The following PRORP variants were observed in gnomAD, a reference collection of about 807,000 sequenced individuals.
PRORP encodes the protein mitochondrial ribonuclease P catalytic subunit.
A neutral mutation model predicts 59.4 loss-of-function variants in PRORP; 51 were observed. The observed-to-expected ratio is 0.86, with a 90% confidence interval of 0.69 to 1.08. PRORP has a LOEUF of 1.08. Ranked by LOEUF, PRORP falls within the 50% of genes least tolerant of loss-of-function variation. PRORP has a pLI of 0.00. For missense variants in PRORP, 646 were observed against 690.3 expected (o/e 0.94, Z 0.72); for synonymous variants, 231 against 245.6 (o/e 0.94, Z 0.55).
At chr14:35,180,198 G>A (rs1333716631) in intron 4 of PRORP, among the ~76,000 whole-genome samples, 1 of 152,314 alleles carries the variant, frequency 6.6e-6, no homozygotes, top group South Asian at 2.1e-4. Context: ...TCCATTCTCA[G>A]ATCTCAAACT....
At chr14:35,257,226 T>C (rs1255594462) in intron 5 of PRORP, among the ~76,000 whole-genome samples, 1 of 152,190 alleles carries the variant, frequency 6.6e-6, no homozygotes, top group East Asian at 1.9e-4. Flanking sequence ...TTTACCATTT[T>C]AACCATTTTT....
intron 5 of PRORP, among the ~76,000 whole-genome samples, chr14:35,215,029 C>G (rs911798880): frequency 6.6e-6 from 1 of 151,938 alleles, no homozygotes; most frequent in African/African-American, 2.4e-5. Context: ...ATGGCAAGAT[C>G]AGAAAAATAA....
At chr14:35,258,806 CCA>C (rs2138624404) in intron 5 of PRORP, among the ~76,000 whole-genome samples, 1 of 152,306 alleles carries the variant, frequency 6.6e-6, no homozygotes, top group East Asian at 1.9e-4. Context: ...AGTCCAGACT[CCA>C]GAATGTATCC....
chr14:35,148,313 G>C (rs918999754), intron 4 of PRORP, among the ~76,000 whole-genome samples: 4 of 152,238 alleles, frequency 2.6e-5, no homozygotes, highest in African/African-American at 9.6e-5. Flanking sequence ...TAGAATGGAT[G>C]TTGTGTTGGT....
At chr14:35,200,327 C>G (rs1033589413) in intron 5 of PRORP, among the ~76,000 whole-genome samples, 3 of 151,892 alleles carry the variant, frequency 2.0e-5, no homozygotes, top group Non-Finnish European at 2.9e-5. Context: ...GAGTAGCTGG[C>G]ATTACAGGCA....
chr14:35,211,519 A>G (rs2139171496), intron 5 of PRORP, among the ~76,000 whole-genome samples: 1 of 152,332 alleles, frequency 6.6e-6, no homozygotes, highest in East Asian at 1.9e-4. Context: ...TACTGCAGAG[A>G]TATTGCAAGT....
At chr14:35,124,685 A>G (rs2047052296) in intron 2 of PRORP, among the ~76,000 whole-genome samples, 2 of 147,674 alleles carry the variant, frequency 1.4e-5, no homozygotes, top group South Asian at 2.2e-4. Flanking sequence ...AAGGATCATT[A>G]ATTTTGTTTT....
intron 5 of PRORP, among the ~76,000 whole-genome samples, chr14:35,189,409 C>G (rs915469803): frequency 1.4e-5 from 2 of 146,126 alleles, no homozygotes; most frequent in Non-Finnish European, 3.0e-5. Flanking sequence ...TTCAATTTTT[C>G]AGAAAAAGAA....
chr14:35,128,545 T>G (rs1031356110), intron 4 of PRORP, among the ~76,000 whole-genome samples: 5 of 152,158 alleles, frequency 3.3e-5, no homozygotes, highest in Non-Finnish European at 5.9e-5. Flanking sequence ...GTTTTTTATT[T>G]CTTCATGGTT....
chr14:35,227,302 G>A lies in PRORP; in HGVS notation c.1276-39425G>A, dbSNP rs368073395. The stretch of plus-strand genomic sequence containing the variant: ...ACTAAAAATACAAAAAATTTAGTCG[G>A]GCGTGGTGGCAGGCGCCTGTAGTCC... On this transcript the variant is annotated intron_variant, in intron 5 of 7. Transcript: ENST00000534898. Among the ~76,000 whole-genome samples the A allele has an allele frequency of 2.8e-4, 43 of 151,680 alleles. 1 individual carries two copies. The highest frequency in any genetic ancestry group is 9.7e-4 in the African/African-American group (40 of 41,316).
intron 5 of PRORP, among the ~76,000 whole-genome samples, chr14:35,182,123 G>A (rs906421038): frequency 5.3e-5 from 8 of 151,028 alleles, no homozygotes; most frequent in African/African-American, 9.7e-5. Context: ...AAAATTAGCC[G>A]GGCATGATGG....
intron 5 of PRORP, among the ~76,000 whole-genome samples, chr14:35,236,116 A>AAG (rs2050205876): frequency 6.6e-6 from 1 of 151,504 alleles, no homozygotes; most frequent in Non-Finnish European, 1.5e-5. Context: ...AAAAAAAAAA[A>AAG]AAGCATAAGG....
At chr14:35,149,718 A>G (rs529877245) in intron 4 of PRORP, among the ~76,000 whole-genome samples, 34 of 152,364 alleles carry the variant, frequency 2.2e-4, no homozygotes, top group African/African-American at 7.9e-4. Flanking sequence ...CATATCAGCA[A>G]TAAGGCTATT....
chr14:35,206,339 A>G (rs1042898710), intron 5 of PRORP, among the ~76,000 whole-genome samples: 1 of 152,158 alleles, frequency 6.6e-6, no homozygotes, highest in African/African-American at 2.4e-5. Context: ...GGACACTGTT[A>G]TTCTGCTTCC....
chr14:35,252,450 A>C (rs989932516), intron 5 of PRORP, among the ~76,000 whole-genome samples: 4 of 152,124 alleles, frequency 2.6e-5, no homozygotes, highest in African/African-American at 9.7e-5. Flanking sequence ...AACAAACAAA[A>C]AAACAAATTA....
At chr14:35,219,275 C>T (rs1457632459) in intron 5 of PRORP, 1 of 152,230 alleles carries the variant, frequency 6.6e-6, no homozygotes, top group African/African-American at 2.4e-5. Context: ...GGAAGGCAGT[C>T]AGGAACATGG....
intron 5 of PRORP, among the ~76,000 whole-genome samples, chr14:35,217,838 T>C (rs1009197401): frequency 6.6e-6 from 1 of 152,186 alleles, no homozygotes; most frequent in Non-Finnish European, 1.5e-5. Flanking sequence ...CAGTCTTAAT[T>C]AGTGTAGCTT....
Position 35,210,360 on chromosome 14 carries a change from T to G in PRORP, c.1275+29583T>G, listed in dbSNP as rs569706507. On this transcript the variant is annotated intron_variant, in intron 5 of 7. Transcript: ENST00000534898. The stretch of plus-strand genomic sequence containing the variant: ...GGATCATGAATATGTTTCATCTTAT[T>G]CTCTGCTTTGAATTATATTGCATCC... Among the ~76,000 whole-genome samples the G allele has an allele frequency of 6.6e-5, 10 of 152,338 alleles. No individual in the cohort carries two copies. In the East Asian group the frequency reaches 1.9e-3, roughly 29 times the overall value.
intron 4 of PRORP, among the ~76,000 whole-genome samples, chr14:35,131,781 A>C (rs1171519794): frequency 6.6e-6 from 1 of 151,046 alleles, no homozygotes; most frequent in African/African-American, 2.4e-5. Flanking sequence ...CGCCTGCCTC[A>C]GCCTCCCAAA....
Sources: allele counts gnomAD v4.1 joint callset (sites outside exome capture counted in the v4.1 genomes callset), GRCh38; gene constraint gnomAD v4.1.1; transcripts MANE v1.5; gene names NCBI Gene and HGNC (gene_info 2026-07-23, HGNC 2026-07-21).